The following PAK1 variants were observed in gnomAD, a reference collection of about 807,000 sequenced individuals.
The protein encoded by PAK1 is serine/threonine-protein kinase PAK 1.
Under a neutral mutation model 67.4 loss-of-function variants are expected in PAK1, and 29 were observed. That is an observed-to-expected ratio of 0.43 (90% CI 0.32 to 0.59). The LOEUF (loss-of-function observed/expected upper bound fraction) is 0.59. Among genes scored for constraint, PAK1 ranks in the 20% least tolerant of loss-of-function variants. PAK1 has a pLI of 0.07. For synonymous variants in PAK1, 223 were observed against 237.4 expected, an observed-to-expected ratio of 0.94 and a Z score of 0.56; for missense variants, 337 against 670.7, an observed-to-expected ratio of 0.50 and a Z score of 5.50.
chr11:77,518,349 C>T, the PAK1 span, among the ~76,000 whole-genome samples: 1 of 152,150 alleles, frequency 6.6e-6, no homozygotes, highest in Non-Finnish European at 1.5e-5. Flanking sequence ...AAGCTGTGAT[C>T]AATTAACGAA....
At chr11:77,371,554 C>T (rs1025180129) in intron 5 of PAK1, among the ~76,000 whole-genome samples, 7 of 152,164 alleles carry the variant, frequency 4.6e-5, no homozygotes, top group South Asian at 2.1e-4. Context: ...CTCATTCAAA[C>T]GTAGGGAGTG....
chr11:77,322,862 A>G lies in PAK1; in HGVS notation c.*412T>C. ...GTGTCTGGGCAGTTGAGTCACAGAAAAGCAAGCACTAAAGAAATCTCAATT... is the reference window on the plus strand; with the variant it reads ...GTGTCTGGGCAGTTGAGTCACAGAAGAGCAAGCACTAAAGAAATCTCAATT... On this transcript the variant is annotated 3_prime_UTR_variant, in exon 15 of 15. Coordinates refer to ENST00000356341, the MANE Select transcript of PAK1 (RefSeq NM_002576.5). 1 of 496,664 alleles carries G rather than the reference A, an allele frequency of 2.0e-6. No individual in the cohort carries two copies. The highest frequency in any genetic ancestry group is 3.6e-6 in the Non-Finnish European group (1 of 280,340). The allele number at this position is 496,664 out of a possible 1,614,324, so 30.8% of individuals were successfully genotyped here.
intron 10 of PAK1, among the ~76,000 whole-genome samples, chr11:77,341,645 A>C (rs1213145833): frequency 6.6e-6 from 1 of 152,234 alleles, no homozygotes; most frequent in African/African-American, 2.4e-5. Context: ...ACAAATAAAA[A>C]CAAGGCGAGC....
intron 1 of PAK1, among the ~76,000 whole-genome samples, chr11:77,402,563 C>T (rs1004815767): frequency 1.3e-5 from 2 of 152,126 alleles, no homozygotes; most frequent in Admixed American, 1.3e-4. Flanking sequence ...ACCTGCCTTA[C>T]AGGTTGAGGC....
intron 1 of PAK1, among the ~76,000 whole-genome samples, chr11:77,399,339 T>C (rs552797976): frequency 6.6e-6 from 1 of 152,038 alleles, no homozygotes; most frequent in Admixed American, 6.5e-5. Flanking sequence ...ATGAAAGAAA[T>C]GTTAAATTGA....
intron 1 of PAK1, among the ~76,000 whole-genome samples, chr11:77,473,005 C>G (rs1368634447): frequency 6.6e-6 from 1 of 152,162 alleles, no homozygotes; most frequent in Non-Finnish European, 1.5e-5. Context: ...TTGTTTTTCA[C>G]TTCCCAAGTT....
At chr11:77,437,172 C>A (rs968895279) in intron 1 of PAK1, among the ~76,000 whole-genome samples, 6 of 152,282 alleles carry the variant, frequency 3.9e-5, no homozygotes, top group African/African-American at 1.4e-4. Flanking sequence ...CAGATCTATG[C>A]CTATCTGTTC....
chr11:77,352,496 G>A (rs531337302), intron 8 of PAK1, among the ~76,000 whole-genome samples: 14 of 152,200 alleles, frequency 9.2e-5, no homozygotes, highest in African/African-American at 3.1e-4. Flanking sequence ...CAGTTGTAAC[G>A]TCATAGCACA....
intron 10 of PAK1, among the ~76,000 whole-genome samples, chr11:77,342,062 G>T (rs970108348): frequency 3.3e-5 from 5 of 152,156 alleles, no homozygotes; most frequent in Non-Finnish European, 7.4e-5. Context: ...TTATTAGGAG[G>T]TGGGGCCTTT....
intron 5 of PAK1, 105 bp downstream of exon 5, chr11:77,374,223 G>A: frequency 2.8e-6 from 2 of 704,364 alleles, no homozygotes. Context: ...GGGTGCAGGA[G>A]TGACTAATAT....
chr11:77,418,774 C>T (rs1180413113), intron 1 of PAK1, among the ~76,000 whole-genome samples: 22 of 152,202 alleles, frequency 1.4e-4, no homozygotes, highest in Admixed American at 1.4e-3. Flanking sequence ...GTGCTCTTGC[C>T]TGTTCCAGGT....
chr11:77,327,819 A>C (rs1346591996), intron 14 of PAK1, among the ~76,000 whole-genome samples: 1 of 152,246 alleles, frequency 6.6e-6, no homozygotes, highest in Non-Finnish European at 1.5e-5. Flanking sequence ...TAAATGCTCC[A>C]ATTAAAAGAC....
chr11:77,377,164 ACTCAGGAGG>A (rs1249999755), intron 4 of PAK1, among the ~76,000 whole-genome samples: 6 of 152,080 alleles, frequency 3.9e-5, no homozygotes, highest in Non-Finnish European at 8.8e-5. Flanking sequence ...AGTCCCAGTT[ACTCAGGAGG>A]CTGAGGCAGG....
the PAK1 span, among the ~76,000 whole-genome samples, chr11:77,518,770 T>C: frequency 1.3e-5 from 2 of 152,212 alleles, no homozygotes; most frequent in African/African-American, 4.8e-5. Flanking sequence ...ACTTTTCCCA[T>C]TTATTTTGTT....
At chr11:77,444,899 TGC>T (rs2138487465) in intron 1 of PAK1, among the ~76,000 whole-genome samples, 1 of 152,172 alleles carries the variant, frequency 6.6e-6, no homozygotes, top group African/African-American at 2.4e-5. Flanking sequence ...TACTTCTCTC[TGC>T]TAATCCAAAT....
At position 77,466,024 on chromosome 11, in the gene PAK1, A is replaced by T. The variant is rs192724235; in HGVS notation, c.-22+7528T>A. Among the ~76,000 whole-genome samples, 13 of 152,320 alleles carry T rather than the reference A, an allele frequency of 8.5e-5. No individual in the cohort carries two copies. In the East Asian group the frequency reaches 2.1e-3, roughly 25 times the overall value. ...GAGAACCAAGAGCCCCTCCAACTAT[A>T]CCAAGTCCCTCTTTACCCATCCCCA... On this transcript the variant is annotated intron_variant, in intron 1 of 14. Coordinates refer to ENST00000356341, the MANE Select transcript of PAK1 (RefSeq NM_002576.5).
At chr11:77,368,883 G>A (rs1286948861) in intron 5 of PAK1, among the ~76,000 whole-genome samples, 6 of 152,112 alleles carry the variant, frequency 3.9e-5, no homozygotes, top group Admixed American at 3.9e-4. Context: ...TTTTAAGTGA[G>A]TATTCTTAAT....
chr11:77,435,820 C>G (rs1174696449), intron 1 of PAK1, among the ~76,000 whole-genome samples: 1 of 151,992 alleles, frequency 6.6e-6, no homozygotes, highest in Non-Finnish European at 1.5e-5. Flanking sequence ...CATATTTTCT[C>G]TTAATAGACA....
chr11:77,480,125 A>T, the PAK1 span, among the ~76,000 whole-genome samples: 1 of 151,814 alleles, frequency 6.6e-6, no homozygotes, highest in South Asian at 2.1e-4. Flanking sequence ...CTATCTTTTC[A>T]CTGCTGTTTC....
Sources: gnomAD v4.1 joint callset for allele counts (sites outside exome capture counted in the v4.1 genomes callset) on GRCh38, gnomAD v4.1.1 for gene constraint, MANE v1.5 for transcripts, NCBI Gene and HGNC (gene_info 2026-07-23, HGNC 2026-07-21) for gene names.